The following OSBP variants were observed in gnomAD, a reference collection of about 807,000 sequenced individuals.
OSBP encodes oxysterol-binding protein 1.
In OSBP, 32 loss-of-function variants were observed where a neutral mutation model predicts 96.6. The ratio of observed to expected loss-of-function variants is 0.33; its 90% confidence interval spans 0.25 to 0.45. The LOEUF (loss-of-function observed/expected upper bound fraction) is 0.45, where lower values mean the gene tolerates loss of function less well. OSBP is among the 20% of genes least tolerant of loss of function. The pLI is 1.00. For synonymous variants in OSBP, 369 were observed against 389.6 expected (o/e 0.95, Z 0.62); for missense variants, 653 against 1,029.7 (o/e 0.63, Z 5.01).
chr11:59,615,610 C>T lies in OSBP; in HGVS notation c.55G>A (p.Ala19Thr). The change falls in exon 1 of 14, where the codon GCA becomes ACA. Residue 19 changes from alanine to threonine, a missense_variant. By Grantham distance (58) the Ala-to-Thr change is moderately conservative. Around this residue, in one of 6 missense-constraint regions of OSBP, gnomAD observed 151 missense variants for 146.1 expected, o/e 1.03. Coordinates refer to ENST00000263847, the MANE Select transcript of OSBP (RefSeq NM_002556.3). ...GGACCGGCGCCGCCGCCGCCAAGTGCTGCAATGGCTGCCGGGCCTGGCCCC... is the reference window on the plus strand; with the variant it reads ...GGACCGGCGCCGCCGCCGCCAAGTGTTGCAATGGCTGCCGGGCCTGGCCCC... ...VVGPGPAAIA[A>T]LGGGGAGPPV... 1 of 1,379,420 alleles carries T rather than the reference C, an allele frequency of 7.2e-7. No individual in the cohort carries two copies. Among genetic ancestry groups the T allele is most frequent in the Non-Finnish European group, 9.4e-7 (1 of 1,064,948 alleles). 85.4% of individuals were successfully genotyped at this position (1,379,420 alleles called of 1,614,324 possible). A position where few individuals can be genotyped will look rare whatever the true frequency, so the allele number is the denominator to read the frequency against.
At chr11:59,584,736 C>A (rs1860472412) in intron 9 of OSBP, among the ~76,000 whole-genome samples, 1 of 152,116 alleles carries the variant, frequency 6.6e-6, no homozygotes, top group South Asian at 2.1e-4. Context: ...AAGAACATGG[C>A]AAGGATGCCC....
chr11:59,578,691 A>G (rs1292405579), intron 11 of OSBP, among the ~76,000 whole-genome samples: 1 of 152,118 alleles, frequency 6.6e-6, no homozygotes, highest in Non-Finnish European at 1.5e-5. Context: ...GGCTCAAGCA[A>G]TCCTCTTATC....
chr11:59,577,838 C>G (rs1860378125), intron 12 of OSBP, among the ~76,000 whole-genome samples: 1 of 152,228 alleles, frequency 6.6e-6, no homozygotes, highest in Non-Finnish European at 1.5e-5. Flanking sequence ...AGGCACCTTC[C>G]TCCTCTAGCC....
intron 1 of OSBP, among the ~76,000 whole-genome samples, chr11:59,614,336 G>A (rs1860893550): frequency 6.6e-6 from 1 of 152,102 alleles, no homozygotes; most frequent in South Asian, 2.1e-4. Context: ...GGTTGTTGTT[G>A]GGAGTCAACA....
chr11:59,613,223 G>A (rs1031480875), intron 1 of OSBP, among the ~76,000 whole-genome samples: 2 of 152,152 alleles, frequency 1.3e-5, no homozygotes, highest in African/African-American at 4.8e-5. Flanking sequence ...TTTATGGGTG[G>A]GACCACCTAA....
chr11:59,583,799 C>T (rs1218809338), intron 9 of OSBP, among the ~76,000 whole-genome samples: 1 of 151,816 alleles, frequency 6.6e-6, no homozygotes, highest in African/African-American at 2.4e-5. Context: ...ACCACCACAC[C>T]TGGCTAATTT....
chr11:59,610,624 A>G, intron 1 of OSBP, 35 bp from the exon 2 acceptor site: 1 of 1,522,240 alleles, frequency 6.6e-7, no homozygotes, highest in Non-Finnish European at 9.1e-7. Flanking sequence ...TTAAACAGAA[A>G]GTTGACGGTT....
chr11:59,597,316 A>AT lies in OSBP; in HGVS notation c.1312-3062dup, dbSNP rs551182847. Among the ~76,000 whole-genome samples the AT allele has an allele frequency of 4.0e-4, 61 of 152,034 alleles. No individual in the cohort carries two copies. In the South Asian group the frequency reaches 8.3e-3, roughly 21 times the overall value. Reference sequence around the variant, plus strand: ...TGCCTCAGCCTCCCAAAGTGCTGGGATTTTTTTACAGGTGTGGGCCACCGC... The same window carrying AT: ...TGCCTCAGCCTCCCAAAGTGCTGGGATTTTTTTTACAGGTGTGGGCCACCGC... On this transcript the variant is annotated intron_variant, in intron 7 of 13. Coordinates refer to ENST00000263847, the MANE Select transcript of OSBP (RefSeq NM_002556.3).
intron 2 of OSBP, among the ~76,000 whole-genome samples, chr11:59,609,631 CAG>C (rs1053877312): frequency 3.9e-5 from 6 of 152,020 alleles, no homozygotes; most frequent in African/African-American, 1.4e-4. Flanking sequence ...TGGGAAATGA[CAG>C]GGGATAAGAT....
chr11:59,589,361 G>A (rs1413033116), intron 9 of OSBP, among the ~76,000 whole-genome samples: 2 of 151,802 alleles, frequency 1.3e-5, no homozygotes, highest in Non-Finnish European at 2.9e-5. Context: ...AGCACTTTGG[G>A]AGGCCAAGGC....
intron 7 of OSBP, among the ~76,000 whole-genome samples, chr11:59,597,187 C>T (rs911893014): frequency 6.6e-6 from 1 of 151,786 alleles, no homozygotes; most frequent in South Asian, 2.1e-4. Context: ...GCCTCCCAAG[C>T]AGCTAGGATT....
chr11:59,606,005 T>G (rs906821547), intron 3 of OSBP, among the ~76,000 whole-genome samples: 2 of 152,164 alleles, frequency 1.3e-5, no homozygotes, highest in African/African-American at 4.8e-5. Flanking sequence ...AGACTCTCAC[T>G]GCTCCTTCAG....
chr11:59,602,272 G>A (rs147605086), intron 3 of OSBP, among the ~76,000 whole-genome samples: 3 of 152,056 alleles, frequency 2.0e-5, no homozygotes, highest in African/African-American at 7.2e-5. Context: ...CAGACACTGA[G>A]AACAGAGAAT....
chr11:59,597,200 A>G (rs1860669792), intron 7 of OSBP, among the ~76,000 whole-genome samples: 1 of 152,018 alleles, frequency 6.6e-6, no homozygotes, highest in African/African-American at 2.4e-5. Flanking sequence ...CTAGGATTAC[A>G]GACGCGCGCC....
intron 3 of OSBP, among the ~76,000 whole-genome samples, chr11:59,604,278 T>TG (rs1306435433): frequency 1.3e-5 from 2 of 152,148 alleles, no homozygotes; most frequent in Non-Finnish European, 2.9e-5. Flanking sequence ...AAGCTGGGCA[T>TG]GGTAGCTCAC....
At chr11:59,612,752 C>T (rs1860867007) in intron 1 of OSBP, among the ~76,000 whole-genome samples, 2 of 152,116 alleles carry the variant, frequency 1.3e-5, no homozygotes, top group African/African-American at 4.8e-5. Context: ...AAAGTTCTTC[C>T]CTGAAAAGGC....
intron 1 of OSBP, among the ~76,000 whole-genome samples, chr11:59,612,177 A>G (rs900791969): frequency 1.3e-5 from 2 of 152,188 alleles, no homozygotes; most frequent in Admixed American, 6.6e-5. Flanking sequence ...TTGTTGTTCA[A>G]TTTTTCACAT....
rs767353802 is a variant in OSBP at position 59,608,500 on chromosome 11, G to C, written c.806C>G (p.Ser269Cys). Reference sequence around the variant, plus strand: ...TGCACTCACGTTGATCATGGCATTGGATGTTATCCTAAAGAGTGTGGCTCG... The same window carrying C: ...TGCACTCACGTTGATCATGGCATTGCATGTTATCCTAAAGAGTGTGGCTCG... ...NERATLFRIT[S>C]NAMINACRDF... is the part of the protein sequence containing the mutation. Residue 269 changes from serine to cysteine, a missense_variant, in exon 3 of 14, where the codon TCC (serine) becomes TGC (cysteine). By Grantham distance (112) the Ser-to-Cys change is moderately radical. Around this residue, in one of 6 missense-constraint regions of OSBP, gnomAD observed 308 missense variants for 573.1 expected, o/e 0.54. Coordinates refer to ENST00000263847, the MANE Select transcript of OSBP (RefSeq NM_002556.3). 9.7e-5 allele frequency: 156 copies of C among 1,614,042 alleles called. No individual in the cohort carries two copies. Among genetic ancestry groups the C allele is most frequent in the Non-Finnish European group, 1.3e-4 (152 of 1,180,022 alleles).
At chr11:59,581,387 G>T in intron 10 of OSBP, 64 bp downstream of exon 10, 1 of 904,524 alleles carries the variant, frequency 1.1e-6, no homozygotes, top group Non-Finnish European at 1.8e-6. Context: ...CCTAAATACT[G>T]CAGAAATATA....
Sources: allele counts gnomAD v4.1 joint callset (sites outside exome capture counted in the v4.1 genomes callset), GRCh38; gene constraint gnomAD v4.1.1; regional missense constraint gnomAD v4.1.1; transcripts MANE v1.5; gene names NCBI Gene and HGNC (gene_info 2026-07-23, HGNC 2026-07-21).